Variants in NRXN2 observed in about 807,000 individuals in gnomAD.
NRXN2 encodes neurexin 2, also known as neurexin-2-beta.
In NRXN2, 29 loss-of-function variants were observed where a neutral mutation model predicts 128.8. That is an observed-to-expected ratio of 0.23 (90% CI 0.17 to 0.31). NRXN2 has a LOEUF of 0.31. Among genes scored for constraint, NRXN2 ranks in the 10% least tolerant of loss-of-function variants. NRXN2 has a pLI of 1.00. For missense variants in NRXN2, 1,881 were observed against 2,452.6 expected (o/e 0.77, Z 4.92); for synonymous variants, 1,098 against 1,075.2 (o/e 1.02, Z -0.41).
chr11:64,616,293 T>C (rs1457516175), intron 22 of NRXN2, among the ~76,000 whole-genome samples: 2 of 152,168 alleles, frequency 1.3e-5, no homozygotes, highest in Admixed American at 6.5e-5. Flanking sequence ...TGAGTATACT[T>C]ATACACACAT....
intron 2 of NRXN2, among the ~76,000 whole-genome samples, chr11:64,699,446 T>TTTTTTTC (rs2055011754): frequency 1.4e-5 from 2 of 147,140 alleles, no homozygotes. Context: ...TTTTTTTTTT[T>TTTTTTTC]TGAGATGGAG....
At chr11:64,641,526 T>G (rs1342403231) in intron 17 of NRXN2, among the ~76,000 whole-genome samples, 1 of 150,148 alleles carries the variant, frequency 6.7e-6, no homozygotes, top group Non-Finnish European at 1.5e-5. Context: ...TTGGGAGTGA[T>G]GGGGGCACAG....
At chr11:64,670,778 C>G (rs2050529753) in intron 7 of NRXN2, among the ~76,000 whole-genome samples, 1 of 152,172 alleles carries the variant, frequency 6.6e-6, no homozygotes, top group African/African-American at 2.4e-5. Context: ...GAGCCTGTGA[C>G]TTTGGTGACA....
At chr11:64,625,638 T>C (rs1565213824) in intron 20 of NRXN2, among the ~76,000 whole-genome samples, 2 of 152,038 alleles carry the variant, frequency 1.3e-5, no homozygotes, top group African/African-American at 2.4e-5. Context: ...GCCTTAGAGG[T>C]ACAGAGCTCG....
At chr11:64,655,144 A>T (rs755335169) in intron 11 of NRXN2, among the ~76,000 whole-genome samples, 1 of 152,166 alleles carries the variant, frequency 6.6e-6, no homozygotes, top group Non-Finnish European at 1.5e-5. Flanking sequence ...CCTGCAGTGG[A>T]GGTAAACTGA....
intron 1 of NRXN2, among the ~76,000 whole-genome samples, chr11:64,718,729 A>G (rs1400453926): frequency 6.6e-6 from 1 of 152,108 alleles, no homozygotes; most frequent in Non-Finnish European, 1.5e-5. Flanking sequence ...CAGGTGCAGA[A>G]TGTTTTTTGG....
intron 7 of NRXN2, among the ~76,000 whole-genome samples, chr11:64,673,123 C>A (rs2050841107): frequency 6.6e-6 from 1 of 152,316 alleles, no homozygotes; most frequent in East Asian, 1.9e-4. Context: ...TTTCTCTGGG[C>A]TTCAGCTTTC....
intron 17 of NRXN2, among the ~76,000 whole-genome samples, chr11:64,639,128 A>G (rs549285432): frequency 2.0e-5 from 3 of 152,312 alleles, no homozygotes; most frequent in African/African-American, 7.2e-5. Flanking sequence ...GAATATCTAG[A>G]CTTGTGAGAG....
chr11:64,633,231 C>A (rs1406727982), intron 18 of NRXN2, among the ~76,000 whole-genome samples: 1 of 152,246 alleles, frequency 6.6e-6, no homozygotes, highest in Non-Finnish European at 1.5e-5. Context: ...TCCCCCTACC[C>A]TTTCTCCTCA....
intron 2 of NRXN2, among the ~76,000 whole-genome samples, chr11:64,701,712 CT>C (rs2055386881): frequency 6.6e-6 from 1 of 152,240 alleles, no homozygotes; most frequent in South Asian, 2.1e-4. Flanking sequence ...GCACTCCAGC[CT>C]GGACGACGGA....
intron 4 of NRXN2, among the ~76,000 whole-genome samples, chr11:64,692,493 A>T (rs1258084928): frequency 6.6e-6 from 1 of 152,218 alleles, no homozygotes; most frequent in Admixed American, 6.5e-5. Flanking sequence ...ATGAGAAAGA[A>T]AAAAAAGCAA....
chr11:64,642,465 G>C, intron 17 of NRXN2: 1 of 1,515,786 alleles, frequency 6.6e-7, no homozygotes, highest in Non-Finnish European at 8.8e-7. Context: ...GCCCGCGGGG[G>C]CCCAGCTGCG....
In NRXN2 at chr11:64,677,047, A is replaced by C. The variant is rs2051424786; in HGVS notation, c.1153-10T>G. On this transcript the variant is annotated splice_polypyrimidine_tract_variant and intron_variant, in intron 6 of 22. Transcript: ENST00000265459. ...GTCCAATCCCTGCGTGCTTCACCGG[A>C]GATATGGGGGGATGGGGAGGAGGGG... 2.1e-6 allele frequency: 3 copies of C among 1,427,214 alleles called. No homozygotes were observed. The highest frequency in any genetic ancestry group is 9.4e-7 in the Non-Finnish European group (1 of 1,061,980). The allele number at this position is 1,427,214 out of a possible 1,614,324, so 88.4% of individuals were successfully genotyped here. A position where few individuals can be genotyped will look rare whatever the true frequency, so the allele number is the denominator to read the frequency against.
At chr11:64,636,141 C>A (rs1442384721) in intron 17 of NRXN2, among the ~76,000 whole-genome samples, 1 of 149,326 alleles carries the variant, frequency 6.7e-6, no homozygotes, top group African/African-American at 2.5e-5. Flanking sequence ...GATTGACAGC[C>A]AGAGGAGGAA....
At chr11:64,704,490 A>C (rs1423642575) in intron 2 of NRXN2, among the ~76,000 whole-genome samples, 2 of 151,932 alleles carry the variant, frequency 1.3e-5, no homozygotes, top group Non-Finnish European at 2.9e-5. Context: ...AAAAAAAAGA[A>C]CTGTCATTTT....
chr11:64,673,709 T>C (rs563356990), intron 7 of NRXN2, among the ~76,000 whole-genome samples: 2 of 152,278 alleles, frequency 1.3e-5, no homozygotes, highest in South Asian at 4.2e-4. Flanking sequence ...TGTGTTTGTT[T>C]TAGAGATAGG....
chr11:64,636,747 G>A (rs934683150), intron 17 of NRXN2, among the ~76,000 whole-genome samples: 5 of 152,104 alleles, frequency 3.3e-5, no homozygotes, highest in Non-Finnish European at 5.9e-5. Flanking sequence ...GCAGTGGGGG[G>A]CAGGAGGGCC....
chr11:64,653,594 A>G, intron 12 of NRXN2, 102 bp downstream of exon 12: 1 of 1,172,590 alleles, frequency 8.5e-7, no homozygotes, highest in Non-Finnish European at 1.3e-6. Context: ...CATTCGAGCC[A>G]GCAATCACGG....
intron 17 of NRXN2, chr11:64,643,074 C>T (rs2045993981): frequency 7.1e-6 from 7 of 988,008 alleles, no homozygotes; most frequent in Non-Finnish European, 8.4e-6. Flanking sequence ...CCGGCGGGGT[C>T]GGAGCGGCGC....
Sources: gnomAD v4.1 joint callset for allele counts (sites outside exome capture counted in the v4.1 genomes callset) on GRCh38, gnomAD v4.1.1 for gene constraint, MANE v1.5 for transcripts, NCBI Gene and HGNC (gene_info 2026-07-23, HGNC 2026-07-21) for gene names.